The following LANCL2 variants were observed in gnomAD, a reference collection of about 807,000 sequenced individuals.
LANCL2 encodes lanC-like protein 2.
LANCL2 carries 33 observed loss-of-function variants against 56.9 expected under a neutral mutation model. The observed-to-expected ratio is 0.58, with a 90% CI of 0.44 to 0.78. The LOEUF is 0.78. Among genes scored for constraint, LANCL2 ranks in the 30% least tolerant of loss-of-function variants. The probability of loss-of-function intolerance (pLI) is 0.00; values close to 1 mark genes in which losing one functional copy is unlikely to be tolerated. For missense variants in LANCL2, 562 were observed against 580.2 expected (o/e 0.97, Z 0.32); for synonymous variants, 233 against 228.2 (o/e 1.02, Z -0.19).
At chr7:55,402,468 C>T (rs552429506) in intron 5 of LANCL2, among the ~76,000 whole-genome samples, 59 of 143,020 alleles carry the variant, frequency 4.1e-4, no homozygotes, top group Non-Finnish European at 8.8e-4. Context: ...GCTGGCCGGG[C>T]AGAGGGGCTC....
At chr7:55,421,534 G>A (rs1790608518) in intron 6 of LANCL2, among the ~76,000 whole-genome samples, 1 of 151,898 alleles carries the variant, frequency 6.6e-6, no homozygotes, top group Non-Finnish European at 1.5e-5. Context: ...GTAGAGACAG[G>A]GTTTCACCGT....
chr7:55,418,741 T>C (rs1301253722), intron 6 of LANCL2, among the ~76,000 whole-genome samples: 1 of 152,228 alleles, frequency 6.6e-6, no homozygotes, highest in Non-Finnish European at 1.5e-5. Context: ...TATTAAATAT[T>C]TCCCCATCAA....
At chr7:55,405,125 C>G (rs1790390309) in intron 5 of LANCL2, among the ~76,000 whole-genome samples, 1 of 152,230 alleles carries the variant, frequency 6.6e-6, no homozygotes, top group Admixed American at 6.5e-5. Flanking sequence ...ATCTACAGTC[C>G]TAAGACCTGG....
intron 1 of LANCL2, among the ~76,000 whole-genome samples, chr7:55,373,900 C>A (rs1230052293): frequency 2.0e-5 from 3 of 152,202 alleles, no homozygotes; most frequent in Non-Finnish European, 4.4e-5. Context: ...TAGGGCCAGA[C>A]TAGGTTTTGA....
In LANCL2 at chr7:55,373,408, A is replaced by T. The variant is rs1218394976; in HGVS notation, c.204+7179A>T. Among the ~76,000 whole-genome samples the T allele has an allele frequency of 3.3e-5, 5 of 152,084 alleles. No individual in the cohort carries two copies. The East Asian group carries it at 7.7e-4, about 24-fold the overall frequency. Reference sequence around the variant, plus strand: ...CAGGCTCAAGAGATCCTCCCACCTCAGCCTCCCAAGTAGCTGGGACTGCAG... The same window carrying T: ...CAGGCTCAAGAGATCCTCCCACCTCTGCCTCCCAAGTAGCTGGGACTGCAG... On this transcript the variant is annotated intron_variant, in intron 1 of 8. Coordinates refer to ENST00000254770, the MANE Select transcript of LANCL2 (RefSeq NM_018697.4).
intron 1 of LANCL2, among the ~76,000 whole-genome samples, chr7:55,389,250 G>C (rs1790159129): frequency 6.6e-6 from 1 of 152,100 alleles, no homozygotes; most frequent in Non-Finnish European, 1.5e-5. Context: ...AGGAATAAAT[G>C]GGGTCTGTCC....
intron 1 of LANCL2, among the ~76,000 whole-genome samples, chr7:55,387,760 C>G (rs765744138): frequency 3.9e-4 from 60 of 151,962 alleles, no homozygotes; most frequent in Non-Finnish European, 7.8e-4. Context: ...TTACACAGAC[C>G]GTTTATGACA....
At chr7:55,377,675 C>G (rs1002756001) in intron 1 of LANCL2, among the ~76,000 whole-genome samples, 5 of 152,278 alleles carry the variant, frequency 3.3e-5, no homozygotes, top group South Asian at 2.1e-4. Flanking sequence ...AATATCTACT[C>G]CAATATATTT....
intron 6 of LANCL2, among the ~76,000 whole-genome samples, chr7:55,424,271 T>G (rs1407665135): frequency 6.6e-6 from 1 of 152,204 alleles, no homozygotes; most frequent in East Asian, 1.9e-4. Context: ...CACAGCTGCT[T>G]CTTGCCGTCT....
rs1790738354 is a variant in LANCL2, at chr7:55,432,274, C to T, written c.*954C>T. 6.6e-6 allele frequency: 1 copy of T among 152,230 alleles called. No homozygotes were observed. Among genetic ancestry groups the T allele is most frequent in the South Asian group, 2.1e-4 (1 of 4,834 alleles). The allele number at this position is 152,230 out of a possible 1,614,324, so 9.4% of individuals were successfully genotyped here. ...ACTCATGTCCCTGCAATTAAACTTA[C>T]TTCAACCTTTTGGAAAGTTATCAAA... On this transcript the variant is annotated 3_prime_UTR_variant, in exon 9 of 9. Coordinates refer to ENST00000254770, the MANE Select transcript of LANCL2 (RefSeq NM_018697.4).
intron 1 of LANCL2, among the ~76,000 whole-genome samples, chr7:55,369,897 T>C (rs550368628): frequency 6.6e-6 from 1 of 152,356 alleles, no homozygotes; most frequent in African/African-American, 2.4e-5. Context: ...CCCCTAGGGC[T>C]GAGAGGGCAC....
At chr7:55,426,731 G>T (rs906080717) in intron 7 of LANCL2, among the ~76,000 whole-genome samples, 15 of 152,226 alleles carry the variant, frequency 9.9e-5, no homozygotes, top group African/African-American at 3.6e-4. Flanking sequence ...AGAAGAAACT[G>T]CTGTTCCAAA....
At chr7:55,410,257 G>C (rs1790456439) in intron 5 of LANCL2, among the ~76,000 whole-genome samples, 1 of 152,164 alleles carries the variant, frequency 6.6e-6, no homozygotes, top group Admixed American at 6.5e-5. Flanking sequence ...CTGTAAGAAA[G>C]TAATTTTAAA....
chr7:55,417,465 G>A lies in LANCL2; in HGVS notation c.1008+5376G>A, dbSNP rs1229171831. Among the ~76,000 whole-genome samples, 3 of 152,206 alleles carry A rather than the reference G, an allele frequency of 2.0e-5. No homozygotes were observed. The East Asian group carries it at 5.8e-4, about 29-fold the overall frequency. On this transcript the variant is annotated intron_variant, in intron 6 of 8. Coordinates refer to ENST00000254770, the MANE Select transcript of LANCL2 (RefSeq NM_018697.4). ...CTGTTTACCTACATGATATTACCAC[G>A]TTGTTTTTCTTATTCTGCATTTATT...
intron 1 of LANCL2, among the ~76,000 whole-genome samples, chr7:55,371,946 A>G (rs983859587): frequency 5.3e-5 from 8 of 151,954 alleles, no homozygotes; most frequent in African/African-American, 1.9e-4. Flanking sequence ...AAGGTGGGGT[A>G]ATATACTCTA....
chr7:55,407,051 C>A (rs945483976), intron 5 of LANCL2, among the ~76,000 whole-genome samples: 1 of 152,182 alleles, frequency 6.6e-6, no homozygotes, highest in Non-Finnish European at 1.5e-5. Context: ...GGGGGACTCT[C>A]TGGCACAGGA....
At chr7:55,412,272 C>T (rs1271901626) in intron 6 of LANCL2, among the ~76,000 whole-genome samples, 183 bp downstream of exon 6, 2 of 152,014 alleles carry the variant, frequency 1.3e-5, no homozygotes. Flanking sequence ...TGCTGCAAGT[C>T]TGTGTGTGTG....
chr7:55,400,599 T>TC (rs1184524897), intron 4 of LANCL2, among the ~76,000 whole-genome samples: 120 of 152,324 alleles, frequency 7.9e-4, no homozygotes, highest in African/African-American at 2.8e-3. Flanking sequence ...TGCCAGAACT[T>TC]CATCAAGTGT....
chr7:55,393,674 G>T (rs546574786), intron 2 of LANCL2, among the ~76,000 whole-genome samples: 1 of 152,046 alleles, frequency 6.6e-6, no homozygotes, highest in East Asian at 1.9e-4. Context: ...TGTGAATATT[G>T]TATTTATATT....
Sources: allele counts gnomAD v4.1 joint callset (sites outside exome capture counted in the v4.1 genomes callset), GRCh38; gene constraint gnomAD v4.1.1; transcripts MANE v1.5; gene names NCBI Gene and HGNC (gene_info 2026-07-23, HGNC 2026-07-21).